Variants in ATAD2B observed in about 807,000 individuals in gnomAD.
ATAD2B encodes the protein ATPase family AAA domain containing 2B, also known as ATPase family AAA domain-containing protein 2B.
Under a neutral mutation model 167.6 loss-of-function variants are expected in ATAD2B, and 40 were observed. The observed-to-expected ratio is 0.24, with a 90% CI of 0.19 to 0.31. The LOEUF (loss-of-function observed/expected upper bound fraction) is 0.31, where lower values mean the gene tolerates loss of function less well. ATAD2B is among the 10% of genes least tolerant of loss of function. The pLI, the probability that ATAD2B is intolerant of heterozygous loss-of-function variation, is 1.00. For missense variants in ATAD2B, 1,242 were observed against 1,757.2 expected (o/e 0.71, Z 5.24); for synonymous variants, 579 against 596.5 (o/e 0.97, Z 0.43).
intron 15 of ATAD2B, among the ~76,000 whole-genome samples, chr2:23,826,300 C>T (rs1357635677): frequency 4.6e-5 from 7 of 152,118 alleles, no homozygotes; most frequent in African/African-American, 1.7e-4. Context: ...TTAGGGTAAC[C>T]ACATGTGCTG....
intron 2 of ATAD2B, among the ~76,000 whole-genome samples, chr2:23,892,366 G>T (rs1417931478): frequency 6.6e-6 from 1 of 151,892 alleles, no homozygotes; most frequent in African/African-American, 2.4e-5. Context: ...GGGTTTCACC[G>T]TGTTAGCCAG....
intron 24 of ATAD2B, among the ~76,000 whole-genome samples, chr2:23,760,713 C>CACACACACACACATAT (rs1676587383): frequency 4.9e-5 from 7 of 141,442 alleles, no homozygotes; most frequent in South Asian, 4.6e-4. Flanking sequence ...CACACACACA[C>CACACACACACACATAT]ACACACACAC....
At chr2:23,864,403 T>C (rs1341227711) in intron 11 of ATAD2B, among the ~76,000 whole-genome samples, 2 of 152,178 alleles carry the variant, frequency 1.3e-5, no homozygotes, top group East Asian at 1.9e-4. Context: ...AATCTGTTCC[T>C]ACAAATAAAT....
intron 1 of ATAD2B, among the ~76,000 whole-genome samples, chr2:23,924,205 T>C (rs1008922473): frequency 6.6e-6 from 1 of 151,850 alleles, no homozygotes; most frequent in African/African-American, 2.4e-5. Context: ...CAAACAAACA[T>C]GGCACAAAAG....
At chr2:23,829,057 A>T (rs1008714761) in intron 14 of ATAD2B, 118 bp from the exon 15 acceptor site, 90 of 649,526 alleles carry the variant, frequency 1.4e-4, no homozygotes, top group Non-Finnish European at 2.2e-4. Flanking sequence ...TCCCATTAAA[A>T]TTTTTATTTT....
At chr2:23,780,421 T>C (rs1211274941) in intron 22 of ATAD2B, among the ~76,000 whole-genome samples, 1 of 152,168 alleles carries the variant, frequency 6.6e-6, no homozygotes, top group Non-Finnish European at 1.5e-5. Context: ...AATTTTATTC[T>C]GCCTCCTAAC....
At chr2:23,907,809 C>G (rs1459264769) in intron 1 of ATAD2B, among the ~76,000 whole-genome samples, 6 of 152,064 alleles carry the variant, frequency 3.9e-5, no homozygotes, top group Non-Finnish European at 5.9e-5. Flanking sequence ...CAATGGAACA[C>G]AACAGAGCCC....
At chr2:23,730,665 C>CAAAAAAAAAAAAAAAAAAAAAA in the ATAD2B span, among the ~76,000 whole-genome samples, 1 of 31,980 alleles carries the variant, frequency 3.1e-5, no homozygotes, top group Non-Finnish European at 5.4e-5. Context: ...GACTCCGTTT[C>CAAAAAAAAAAAAAAAAAAAAAA]AAAAAAAAAA....
chr2:23,728,194 T>C, the ATAD2B span, among the ~76,000 whole-genome samples: 56 of 152,274 alleles, frequency 3.7e-4, no homozygotes, highest in African/African-American at 1.3e-3. Context: ...CAGTATGTTA[T>C]GTTCAATTTT....
intron 13 of ATAD2B, among the ~76,000 whole-genome samples, chr2:23,842,334 T>A (rs1691049301): frequency 6.6e-6 from 1 of 151,676 alleles, no homozygotes; most frequent in Non-Finnish European, 1.5e-5. Flanking sequence ...AACCAAGAGG[T>A]CTACTTGCAG....
intron 6 of ATAD2B, among the ~76,000 whole-genome samples, chr2:23,882,973 G>C (rs1465739622): frequency 6.6e-6 from 1 of 151,770 alleles, no homozygotes; most frequent in Admixed American, 6.6e-5. Flanking sequence ...TAGGGAAGTA[G>C]AAGACTAAAA....
intron 1 of ATAD2B, among the ~76,000 whole-genome samples, chr2:23,914,285 T>A (rs1702710629): frequency 1.3e-5 from 2 of 151,848 alleles, no homozygotes; most frequent in Admixed American, 1.3e-4. Flanking sequence ...GTGTACAAAG[T>A]CACAATGTAA....
At chr2:23,794,355 T>A (rs1682275300) in intron 19 of ATAD2B, among the ~76,000 whole-genome samples, 1 of 152,242 alleles carries the variant, frequency 6.6e-6, no homozygotes, top group Non-Finnish European at 1.5e-5. Flanking sequence ...TCTGGCTTAA[T>A]GGAAGACCAC....
chr2:23,797,040 T>G (rs1358994730), intron 19 of ATAD2B, among the ~76,000 whole-genome samples: 3 of 152,150 alleles, frequency 2.0e-5, no homozygotes, highest in African/African-American at 4.8e-5. Flanking sequence ...TACTCTACAT[T>G]TAATATATTT....
intron 2 of ATAD2B, among the ~76,000 whole-genome samples, chr2:23,895,410 A>G (rs1248040171): frequency 6.6e-6 from 1 of 152,124 alleles, no homozygotes; most frequent in Non-Finnish European, 1.5e-5. Context: ...AGGATAATAG[A>G]TGAAAAGATG....
At chr2:23,711,342 C>CTTTTTTTTTTTTTTTTT in the ATAD2B span, among the ~76,000 whole-genome samples, 2 of 79,786 alleles carry the variant, frequency 2.5e-5, no homozygotes, top group African/African-American at 4.9e-5. Flanking sequence ...GAATTTCTTT[C>CTTTTTTTTTTTTTTTTT]TTTTTTTTTT....
rs1675138739 is a variant in ATAD2B, at chr2:23,749,587, A to G, written c.*2459T>C. On this transcript the variant is annotated 3_prime_UTR_variant, in exon 28 of 28. Transcript: ENST00000238789. ...TAATTGAGGGAAGGAGGGCCAGAGG[A>G]GTTGGTACAATTTCAGCTCATTGTT... The G allele has an allele frequency of 6.6e-6, 1 of 152,060 alleles. No homozygotes were observed. The highest frequency in any genetic ancestry group is 2.1e-4 in the South Asian group (1 of 4,828). 9.4% of individuals were successfully genotyped at this position (152,060 alleles called of 1,614,324 possible). A position where few individuals can be genotyped will look rare whatever the true frequency, so the allele number is the denominator to read the frequency against.
chr2:23,795,149 T>C (rs889696198), intron 19 of ATAD2B, among the ~76,000 whole-genome samples: 4 of 152,186 alleles, frequency 2.6e-5, no homozygotes, highest in African/African-American at 9.6e-5. Flanking sequence ...TTATGGAAGA[T>C]ATAGAAAATA....
the ATAD2B span, chr2:23,706,384 C>G: frequency 2.1e-6 from 2 of 962,950 alleles, no homozygotes; most frequent in Non-Finnish European, 2.8e-6. Flanking sequence ...CTGCAAAAGG[C>G]ACAGGCAGCC....
Sources: gnomAD v4.1 joint callset for allele counts (sites outside exome capture counted in the v4.1 genomes callset) on GRCh38, gnomAD v4.1.1 for gene constraint, MANE v1.5 for transcripts, NCBI Gene and HGNC (gene_info 2026-07-23, HGNC 2026-07-21) for gene names.